NEMP2: variants seen among roughly 807,000 people sequenced by gnomAD.
NEMP2 encodes the protein nuclear envelope integral membrane protein 2.
In NEMP2, 53 loss-of-function variants were observed where a neutral mutation model predicts 54.2. The observed-to-expected ratio is 0.98, with a 90% CI of 0.78 to 1.23. The LOEUF is 1.23. NEMP2 is among the 50% of genes most tolerant of loss of function. The pLI is 0.00. For missense variants in NEMP2, 455 were observed against 511.3 expected (o/e 0.89, Z 1.06); for synonymous variants, 197 against 190.3 (o/e 1.04, Z -0.29).
chr2:190,624,752 T>C, the NEMP2 span: 2 of 152,152 alleles, frequency 1.3e-5, no homozygotes, highest in African/African-American at 4.8e-5. Flanking sequence ...GGGAGCTAAA[T>C]GTGGATCTCA....
the NEMP2 span, among the ~76,000 whole-genome samples, chr2:190,566,722 GAA>G: frequency 4.4e-5 from 6 of 137,660 alleles, no homozygotes; most frequent in Admixed American, 1.4e-4. Context: ...AGAAAAGAAA[GAA>G]AGAAGGAAAG....
chr2:190,551,235 A>C, the NEMP2 span, among the ~76,000 whole-genome samples: 7 of 151,928 alleles, frequency 4.6e-5, no homozygotes, highest in South Asian at 2.1e-4. Context: ...CTATAGTTTT[A>C]AATATTTGTT....
At chr2:190,608,462 T>G in the NEMP2 span, 77 of 152,194 alleles carry the variant, frequency 5.1e-4, 1 homozygote, top group African/African-American at 1.8e-3. This position sits in a 1 kb window ranked among gnomAD's most constrained non-coding sequence, Gnocchi z 4.9. Context: ...GTAAACGTCA[T>G]GGCCATAGAG....
chr2:190,427,452 C>T, the NEMP2 span, among the ~76,000 whole-genome samples: 1 of 152,126 alleles, frequency 6.6e-6, no homozygotes. Flanking sequence ...CTAGACTGCC[C>T]CTTTCCTGGT....
chr2:190,615,299 T>C, the NEMP2 span, among the ~76,000 whole-genome samples: 2 of 152,206 alleles, frequency 1.3e-5, no homozygotes, highest in Non-Finnish European at 2.9e-5. This position sits in a 1 kb window ranked among gnomAD's most constrained non-coding sequence, Gnocchi z 4.7. Context: ...GATCATTTGC[T>C]AGAGTGGCTC....
chr2:190,531,806 A>G lies in NEMP2; in HGVS notation c.97+2753T>C, dbSNP rs1011387102. ...TTAAAGAGTTGAGTCATATATACGGAAAAAAAAACCTCAGTCAAAACATCA... is the reference window on the plus strand; with the variant it reads ...TTAAAGAGTTGAGTCATATATACGGGAAAAAAAACCTCAGTCAAAACATCA... On this transcript the variant is annotated intron_variant, in intron 1 of 8. Coordinates refer to ENST00000409150, the MANE Select transcript of NEMP2 (RefSeq NM_001142645.2). This position sits in a 1 kb window ranked among gnomAD's most constrained non-coding sequence, Gnocchi z 4.7. Among the ~76,000 whole-genome samples, 3 of 151,324 alleles carry G rather than the reference A, an allele frequency of 2.0e-5. No individual in the cohort carries two copies. Among genetic ancestry groups the G allele is most frequent in the African/African-American group, 7.3e-5 (3 of 41,210 alleles).
At chr2:190,467,891 A>G in the NEMP2 span, among the ~76,000 whole-genome samples, 2 of 152,206 alleles carry the variant, frequency 1.3e-5, no homozygotes. The surrounding 1 kb of genome is among the most constrained non-coding windows in gnomAD (Gnocchi z 5.5). Context: ...TTCATGCTAC[A>G]GCAGCAGAGC....
At chr2:190,532,410 G>C (rs1691176445) in intron 1 of NEMP2, among the ~76,000 whole-genome samples, 2 of 152,226 alleles carry the variant, frequency 1.3e-5, no homozygotes, top group South Asian at 4.1e-4. Context: ...GTGTCAAATG[G>C]ACTGTTATAG....
At chr2:190,555,110 A>T in the NEMP2 span, among the ~76,000 whole-genome samples, 1 of 152,222 alleles carries the variant, frequency 6.6e-6, no homozygotes, top group Non-Finnish European at 1.5e-5. This position sits in a 1 kb window ranked among gnomAD's most constrained non-coding sequence, Gnocchi z 4.8. Context: ...ACAAACAGAA[A>T]GGAATAGTAT....
chr2:190,564,768 G>A, the NEMP2 span, among the ~76,000 whole-genome samples: 45 of 152,316 alleles, frequency 3.0e-4, no homozygotes, highest in African/African-American at 9.1e-4. This position sits in a 1 kb window ranked among gnomAD's most constrained non-coding sequence, Gnocchi z 4.2. Context: ...CTGGATTCTC[G>A]CTAAAGATGG....
chr2:190,473,235 A>T, the NEMP2 span, among the ~76,000 whole-genome samples: 1 of 152,198 alleles, frequency 6.6e-6, no homozygotes, highest in Non-Finnish European at 1.5e-5. Flanking sequence ...CACACATAAC[A>T]ATATTAACCT....
At chr2:190,579,885 A>T in the NEMP2 span, among the ~76,000 whole-genome samples, 1 of 152,216 alleles carries the variant, frequency 6.6e-6, no homozygotes, top group African/African-American at 2.4e-5. Context: ...TCAGTGATTA[A>T]AAACTTTCAG....
At chr2:190,535,378 C>G (rs1691340815), upstream of NEMP2, among the ~76,000 whole-genome samples, 1 of 151,986 alleles carries the variant, frequency 6.6e-6, no homozygotes, top group Admixed American at 6.5e-5. Context: ...CTTAAAATTA[C>G]CTTATGTTAA....
At chr2:190,516,722 G>A (rs1690570937) in intron 5 of NEMP2, among the ~76,000 whole-genome samples, 2 of 152,172 alleles carry the variant, frequency 1.3e-5, no homozygotes, top group African/African-American at 2.4e-5. Context: ...TGCTGCTGTT[G>A]CAAACTTTAA....
the NEMP2 span, among the ~76,000 whole-genome samples, chr2:190,640,485 CAAT>C: frequency 6.6e-6 from 1 of 152,110 alleles, no homozygotes; most frequent in African/African-American, 2.4e-5. Flanking sequence ...AATGAAAATA[CAAT>C]AATAGATAGA....
In NEMP2 at chr2:190,530,693, A is replaced by G. The variant is rs1157376170; in HGVS notation, c.97+3866T>C. On this transcript the variant is annotated intron_variant, in intron 1 of 8. Coordinates refer to ENST00000409150, the MANE Select transcript of NEMP2 (RefSeq NM_001142645.2). The surrounding 1 kb of genome is among the most constrained non-coding windows in gnomAD (Gnocchi z 4.6). ...CAATCATGTCCAATGGAAACAGGAA[A>G]CAGAGCCAGTTTGACTGCTTATTTG... Among the ~76,000 whole-genome samples the G allele has an allele frequency of 6.6e-6, 1 of 152,248 alleles. No individual in the cohort carries two copies. The highest frequency in any genetic ancestry group is 6.5e-5 in the Admixed American group (1 of 15,292).
the NEMP2 span, among the ~76,000 whole-genome samples, chr2:190,623,462 A>G: frequency 2.0e-5 from 3 of 152,326 alleles, no homozygotes; most frequent in South Asian, 6.2e-4. Flanking sequence ...CTGGCATAAA[A>G]ACAGACACAC....
chr2:190,534,808 G>A, upstream of NEMP2: 1 of 525,644 alleles, frequency 1.9e-6, no homozygotes, highest in Non-Finnish European at 2.9e-6. Flanking sequence ...GGCGGAGGGA[G>A]AGTTGGGCTC....
the NEMP2 span, among the ~76,000 whole-genome samples, chr2:190,550,836 C>G: frequency 5.3e-5 from 8 of 152,132 alleles, no homozygotes; most frequent in Non-Finnish European, 1.2e-4. This position sits in a 1 kb window ranked among gnomAD's most constrained non-coding sequence, Gnocchi z 4.7. Context: ...GGCTAAAAAA[C>G]AGTATTCTCA....
Sources: allele counts gnomAD v4.1 joint callset (sites outside exome capture counted in the v4.1 genomes callset), GRCh38; gene constraint gnomAD v4.1.1; non-coding constraint Gnocchi (gnomAD v3.1); transcripts MANE v1.5; gene names NCBI Gene and HGNC (gene_info 2026-07-23, HGNC 2026-07-21).